The following MED15 variants were observed in gnomAD, a reference collection of about 807,000 sequenced individuals.
The protein encoded by MED15 is mediator complex subunit 15, also known as mediator of RNA polymerase II transcription subunit 15.
A neutral mutation model predicts 118.7 loss-of-function variants in MED15; 41 were observed. The ratio of observed to expected loss-of-function variants is 0.35; its 90% confidence interval spans 0.27 to 0.45. The LOEUF (loss-of-function observed/expected upper bound fraction) is 0.45, where lower values mean the gene tolerates loss of function less well. MED15 is among the 20% of genes least tolerant of loss of function. The probability of loss-of-function intolerance (pLI) is 1.00; values close to 1 mark genes in which losing one functional copy is unlikely to be tolerated. For synonymous variants in MED15, 436 were observed against 413.9 expected, an observed-to-expected ratio of 1.05 and a Z score of -0.65; for missense variants, 740 against 1,025.5, an observed-to-expected ratio of 0.72 and a Z score of 3.80.
chr22:20,513,315 T>G (rs1401908169), intron 1 of MED15, among the ~76,000 whole-genome samples: 7 of 150,954 alleles, frequency 4.6e-5, no homozygotes, highest in Non-Finnish European at 1.0e-4. Context: ...AGTCTCGCCC[T>G]GTGGCCCAGG....
At chr22:20,541,799 G>A (rs1012924860) in intron 2 of MED15, among the ~76,000 whole-genome samples, 6 of 152,160 alleles carry the variant, frequency 3.9e-5, no homozygotes, top group African/African-American at 1.4e-4. Flanking sequence ...ACAGGCATGT[G>A]CCACCATGCC....
At chr22:20,520,959 C>T (rs1430885942) in intron 1 of MED15, among the ~76,000 whole-genome samples, 2 of 151,686 alleles carry the variant, frequency 1.3e-5, no homozygotes, top group South Asian at 2.1e-4. Flanking sequence ...AGGCTGGTCT[C>T]GAACTCCTGG....
At chr22:20,548,925 T>C (rs1415746572) in intron 2 of MED15, among the ~76,000 whole-genome samples, 2 of 152,168 alleles carry the variant, frequency 1.3e-5, no homozygotes, top group African/African-American at 4.8e-5. Flanking sequence ...CCTCCCACTT[T>C]GAGGCCACTG....
At chr22:20,530,545 G>C (rs1235619133) in intron 1 of MED15, among the ~76,000 whole-genome samples, 1 of 151,976 alleles carries the variant, frequency 6.6e-6, no homozygotes, top group African/African-American at 2.4e-5. Context: ...TGGGAAAGCA[G>C]TTGGACCAGG....
At chr22:20,582,804 G>C (rs2057028594) in intron 10 of MED15, 36 bp from the exon 11 acceptor site, 2 of 1,603,920 alleles carry the variant, frequency 1.2e-6, no homozygotes, top group Non-Finnish European at 1.7e-6. Flanking sequence ...GCCCTGCCTG[G>C]ACCCCGGCTC....
At chr22:20,586,082 G>A (rs1032797679) in intron 17 of MED15, among the ~76,000 whole-genome samples, 5 of 152,214 alleles carry the variant, frequency 3.3e-5, no homozygotes, top group African/African-American at 1.2e-4. Flanking sequence ...GTCCAGGGTG[G>A]TTGTGTTCAG....
chr22:20,544,665 CAAAA>C lies in MED15; in HGVS notation c.157-6767_157-6764del, dbSNP rs368540802. On this transcript the variant is annotated intron_variant, in intron 2 of 17. Coordinates refer to ENST00000263205, the MANE Select transcript of MED15 (RefSeq NM_001003891.3). The stretch of plus-strand genomic sequence containing the variant: ...TGGGTGACAGAGTGAGACTCTGTCT[CAAAA>C]AAACAAACAAACAAACAAATTTAAT... Among the ~76,000 whole-genome samples the C allele has an allele frequency of 9.7e-4, 147 of 151,978 alleles. 3 individuals are homozygous for C. In the East Asian group the frequency reaches 0.024, roughly 24 times the overall value.
At chr22:20,548,270 T>C (rs1297711315) in intron 2 of MED15, among the ~76,000 whole-genome samples, 3 of 152,170 alleles carry the variant, frequency 2.0e-5, no homozygotes, top group African/African-American at 7.2e-5. Flanking sequence ...CAAGCAATTC[T>C]CCTGCCTCAG....
chr22:20,585,471 C>T (rs1000714223), intron 16 of MED15: 1 of 748,914 alleles, frequency 1.3e-6, no homozygotes, highest in Non-Finnish European at 2.1e-6. Context: ...CCCGCACACT[C>T]TCACCTCCCC....
intron 5 of MED15, among the ~76,000 whole-genome samples, chr22:20,558,750 G>T (rs956333454): frequency 2.0e-5 from 3 of 152,110 alleles, no homozygotes; most frequent in Admixed American, 1.3e-4. Context: ...GCTGGGTCCT[G>T]TGTCACCCCC....
chr22:20,585,400 C>G (rs2057104978), intron 16 of MED15, 133 bp downstream of exon 16: 1 of 1,211,668 alleles, frequency 8.3e-7, no homozygotes, highest in South Asian at 1.4e-5. Flanking sequence ...GCTGTCTGCT[C>G]TATCCTCACA....
chr22:20,568,683 C>T, intron 8 of MED15, 52 bp downstream of exon 8: 1 of 1,589,802 alleles, frequency 6.3e-7, no homozygotes, highest in African/African-American at 1.3e-5. Context: ...TGCATGTTCA[C>T]CTGCGCATGT....
At chr22:20,556,435 G>C (rs2056010240) in intron 5 of MED15, among the ~76,000 whole-genome samples, 1 of 151,748 alleles carries the variant, frequency 6.6e-6, no homozygotes, top group Admixed American at 6.6e-5. Flanking sequence ...CGACTACCTG[G>C]GACTACAGGC....
chr22:20,537,387 AG>A (rs2055121280), intron 2 of MED15, among the ~76,000 whole-genome samples, 183 bp downstream of exon 2: 1 of 152,154 alleles, frequency 6.6e-6, no homozygotes, highest in African/African-American at 2.4e-5. Context: ...TCCATGGTAC[AG>A]GGAGGGCACT....
intron 1 of MED15, among the ~76,000 whole-genome samples, chr22:20,517,483 A>G (rs2054294482): frequency 6.6e-6 from 1 of 152,136 alleles, no homozygotes; most frequent in African/African-American, 2.4e-5. Flanking sequence ...GCCGTTCTCC[A>G]AGGAGACTGG....
chr22:20,572,739 C>T lies in MED15; in HGVS notation c.1153-2374C>T, dbSNP rs191712135. ...TTCAAAACTATCCTGGGCAACACAG[C>T]GAGACCCTGTCTCTACAAAAAAATA... On this transcript the variant is annotated intron_variant, in intron 8 of 17. Transcript: ENST00000263205. Among the ~76,000 whole-genome samples, 9 of 152,248 alleles carry T rather than the reference C, an allele frequency of 5.9e-5. No homozygotes were observed. In the East Asian group the frequency reaches 7.7e-4, roughly 13 times the overall value.
chr22:20,544,363 G>C (rs1417216358), intron 2 of MED15, among the ~76,000 whole-genome samples: 1 of 152,088 alleles, frequency 6.6e-6, no homozygotes, highest in African/African-American at 2.4e-5. Flanking sequence ...AAGCTTGGTG[G>C]CTTAAAAGAA....
chr22:20,584,438 C>T lies in MED15; in HGVS notation c.1803+13C>T, dbSNP rs535404608. 3.1e-6 allele frequency: 5 copies of T among 1,613,186 alleles called. No homozygotes were observed. The highest frequency in any genetic ancestry group is 2.2e-5 in the East Asian group (1 of 44,874). ...TGACATGGCGGTGGTGAGTGGGATGCCAGACACCCCTAGGGGAACCAGGGC... is the reference window on the plus strand; with the variant it reads ...TGACATGGCGGTGGTGAGTGGGATGTCAGACACCCCTAGGGGAACCAGGGC... On this transcript the variant is annotated intron_variant, in intron 14 of 17. Transcript: ENST00000263205.
chr22:20,562,651 G>T (rs1453862032), intron 5 of MED15, among the ~76,000 whole-genome samples: 1 of 151,968 alleles, frequency 6.6e-6, no homozygotes, highest in Non-Finnish European at 1.5e-5. Flanking sequence ...CGAAGTGCTG[G>T]GATTAGAGGT....
Sources: allele counts gnomAD v4.1 joint callset (sites outside exome capture counted in the v4.1 genomes callset), GRCh38; gene constraint gnomAD v4.1.1; transcripts MANE v1.5; gene names NCBI Gene and HGNC (gene_info 2026-07-23, HGNC 2026-07-21).